The following TAB2 variants were observed in gnomAD, a reference collection of about 807,000 sequenced individuals.
The protein encoded by TAB2 is TGF-beta activated kinase 1 (MAP3K7) binding protein 2.
TAB2 carries 3 observed loss-of-function variants against 65.0 expected under a neutral mutation model. The ratio of observed to expected loss-of-function variants is 0.05; its 90% CI spans 0.02 to 0.12. The LOEUF is 0.12. Ranked by LOEUF, TAB2 falls within the 10% of genes least tolerant of loss-of-function variation. The probability of loss-of-function intolerance (pLI) is 1.00; values close to 1 mark genes in which losing one functional copy is unlikely to be tolerated. For missense variants in TAB2, 623 were observed against 840.3 expected (o/e 0.74, Z 3.20); for synonymous variants, 298 against 285.1 (o/e 1.05, Z -0.46).
chr6:149,267,670 G>A (rs754492154), intron 1 of TAB2, among the ~76,000 whole-genome samples: 12 of 151,956 alleles, frequency 7.9e-5, no homozygotes, highest in East Asian at 3.9e-4. Flanking sequence ...TGATTTCATC[G>A]TTGTGCGGAC....
intron 1 of TAB2, among the ~76,000 whole-genome samples, chr6:149,330,386 G>C (rs937277854): frequency 2.0e-5 from 3 of 152,166 alleles, no homozygotes; most frequent in Non-Finnish European, 4.4e-5. Flanking sequence ...TTCCAGAGTA[G>C]CTGTACAATT....
intron 3 of TAB2, among the ~76,000 whole-genome samples, chr6:149,394,914 C>T (rs374312623): frequency 3.3e-5 from 5 of 152,334 alleles, no homozygotes; most frequent in Admixed American, 2.0e-4. Context: ...TTTAATTCTG[C>T]TGTTGTAAAA....
intron 1 of TAB2, among the ~76,000 whole-genome samples, chr6:149,285,819 T>C (rs1778666863): frequency 6.6e-6 from 1 of 152,140 alleles, no homozygotes; most frequent in South Asian, 2.1e-4. Context: ...GGAGGACTTG[T>C]TAAAACATGG....
intron 1 of TAB2, among the ~76,000 whole-genome samples, chr6:149,339,597 ATTTATTTATTTT>A (rs1174417219): frequency 0.052 from 1,843 of 35,766 alleles, 55 homozygotes; most frequent in South Asian, 0.33. Context: ...TTATTTATTT[ATTTATTTATTTT>A]TTTTTTTTTT....
At chr6:149,232,964 G>A (rs993858483) in intron 1 of TAB2, among the ~76,000 whole-genome samples, 1 of 152,132 alleles carries the variant, frequency 6.6e-6, no homozygotes, top group Non-Finnish European at 1.5e-5. Flanking sequence ...AGCCCAAAAG[G>A]CAGGCACAGC....
intron 1 of TAB2, among the ~76,000 whole-genome samples, chr6:149,349,397 G>A (rs1340355441): frequency 2.1e-5 from 3 of 145,512 alleles, no homozygotes; most frequent in Admixed American, 1.4e-4. Flanking sequence ...TCCAGCCTGG[G>A]CAACAGAGTG....
intron 1 of TAB2, among the ~76,000 whole-genome samples, chr6:149,226,810 C>T (rs1487850707): frequency 6.6e-6 from 1 of 152,194 alleles, no homozygotes; most frequent in Non-Finnish European, 1.5e-5. Context: ...GAGGCCATTG[C>T]TTAGAAAAGC....
At chr6:149,331,177 T>C (rs1779771606) in intron 1 of TAB2, among the ~76,000 whole-genome samples, 2 of 152,156 alleles carry the variant, frequency 1.3e-5, no homozygotes, top group Admixed American at 1.3e-4. Context: ...TTTTGTTGAG[T>C]CTTCAATCCA....
intron 1 of TAB2, among the ~76,000 whole-genome samples, chr6:149,225,333 G>A (rs1041493982): frequency 6.6e-6 from 1 of 151,852 alleles, no homozygotes. Flanking sequence ...TAATTGGAAG[G>A]TACTTGACTA....
At chr6:149,226,016 G>A (rs1469055039) in intron 1 of TAB2, among the ~76,000 whole-genome samples, 2 of 152,036 alleles carry the variant, frequency 1.3e-5, no homozygotes, top group Non-Finnish European at 2.9e-5. Context: ...TGTGCTCTCA[G>A]AAGCTCTGAA....
At chr6:149,360,919 T>A (rs536290593) in intron 1 of TAB2, among the ~76,000 whole-genome samples, 1 of 152,286 alleles carries the variant, frequency 6.6e-6, no homozygotes, top group African/African-American at 2.4e-5. Context: ...AGTAGGGCAG[T>A]CATTAAATCT....
At chr6:149,356,536 G>T (rs1243188323) in intron 1 of TAB2, among the ~76,000 whole-genome samples, 1 of 152,146 alleles carries the variant, frequency 6.6e-6, no homozygotes, top group African/African-American at 2.4e-5. Context: ...TCTGTGGTTC[G>T]TAGGTGGCAC....
chr6:149,293,629 G>C (rs1207053585), intron 1 of TAB2, among the ~76,000 whole-genome samples: 1 of 152,164 alleles, frequency 6.6e-6, no homozygotes, highest in African/African-American at 2.4e-5. Context: ...TAAATGACAG[G>C]GTCCCAGTGC....
At chr6:149,248,242 A>G (rs1248279774) in intron 1 of TAB2, among the ~76,000 whole-genome samples, 2 of 151,954 alleles carry the variant, frequency 1.3e-5, no homozygotes, top group Non-Finnish European at 2.9e-5. Flanking sequence ...AAATACAAAA[A>G]TTAGCCGGGC....
chr6:149,372,611 A>G (rs113316775), intron 2 of TAB2, among the ~76,000 whole-genome samples: 20 of 152,274 alleles, frequency 1.3e-4, no homozygotes, highest in Non-Finnish European at 2.9e-4. Flanking sequence ...TCTACTTAGC[A>G]TGCTTCCCAA....
chr6:149,303,591 G>C (rs551582180), intron 1 of TAB2, among the ~76,000 whole-genome samples: 1 of 152,148 alleles, frequency 6.6e-6, no homozygotes, highest in Non-Finnish European at 1.5e-5. Flanking sequence ...AATAATTATA[G>C]GTAATTTTTT....
intron 3 of TAB2, among the ~76,000 whole-genome samples, chr6:149,387,141 T>G (rs1781832753): frequency 6.6e-6 from 1 of 152,200 alleles, no homozygotes; most frequent in Non-Finnish European, 1.5e-5. Context: ...TTTATTGCTC[T>G]TGCGTTTGGT....
chr6:149,290,700 C>T (rs906746184), intron 1 of TAB2, among the ~76,000 whole-genome samples: 1 of 152,070 alleles, frequency 6.6e-6, no homozygotes, highest in Non-Finnish European at 1.5e-5. Flanking sequence ...AAAAAAATAG[C>T]CAGGTGGGGT....
upstream of TAB2, among the ~76,000 whole-genome samples, chr6:149,315,352 C>T (rs937722382): frequency 3.9e-5 from 6 of 152,226 alleles, no homozygotes; most frequent in East Asian, 1.2e-3. Context: ...GTATCAATCT[C>T]TTCTTTCTGT....
Sources: allele counts gnomAD v4.1 joint callset (sites outside exome capture counted in the v4.1 genomes callset), GRCh38; gene constraint gnomAD v4.1.1; transcripts MANE v1.5; gene names NCBI Gene and HGNC (gene_info 2026-07-23, HGNC 2026-07-21).